TENM3: variants seen among roughly 807,000 people sequenced by gnomAD.
TENM3 encodes the protein teneurin transmembrane protein 3.
Under a neutral mutation model 255.1 loss-of-function variants are expected in TENM3, and 63 were observed. That is an observed-to-expected ratio of 0.25 (90% CI 0.20 to 0.30). The LOEUF is 0.30. Among genes scored for constraint, TENM3 ranks in the 10% least tolerant of loss-of-function variants. The pLI is 1.00. For missense variants in TENM3, 2,929 were observed against 3,461.1 expected (o/e 0.85, Z 3.86); for synonymous variants, 1,306 against 1,322.3 (o/e 0.99, Z 0.27).
the TENM3 span, among the ~76,000 whole-genome samples, chr4:181,653,804 T>C: frequency 2.0e-5 from 3 of 150,864 alleles, no homozygotes; most frequent in African/African-American, 7.3e-5. Context: ...TATTCCCCCA[T>C]AATCTAGGTT....
At chr4:182,284,053 T>C (rs560376235) in intron 1 of TENM3, among the ~76,000 whole-genome samples, 1 of 152,332 alleles carries the variant, frequency 6.6e-6, no homozygotes, top group Admixed American at 6.5e-5. Context: ...TTTTACCTTT[T>C]AAGAACTTTA....
chr4:182,373,367 G>A (rs539604756), intron 3 of TENM3, among the ~76,000 whole-genome samples: 120 of 152,242 alleles, frequency 7.9e-4, no homozygotes, highest in African/African-American at 2.7e-3. Context: ...AATTTATAAC[G>A]AAAGAGGTTT....
At chr4:182,272,572 C>T (rs1174222726) in intron 1 of TENM3, among the ~76,000 whole-genome samples, 2 of 152,138 alleles carry the variant, frequency 1.3e-5, no homozygotes, top group African/African-American at 2.4e-5. Flanking sequence ...ACTGGTTTCC[C>T]GCAGAGGCAA....
chr4:182,534,848 A>C (rs1304863614), intron 3 of TENM3, among the ~76,000 whole-genome samples: 2 of 152,362 alleles, frequency 1.3e-5, no homozygotes, highest in East Asian at 3.9e-4. Context: ...TAACTGGATT[A>C]ATTGAAAATG....
intron 3 of TENM3, among the ~76,000 whole-genome samples, chr4:182,582,790 C>T (rs1254903393): frequency 6.6e-6 from 1 of 152,114 alleles, no homozygotes; most frequent in Non-Finnish European, 1.5e-5. Context: ...TGAACTATTG[C>T]CATTCCTTCA....
chr4:181,995,887 C>T, the TENM3 span, among the ~76,000 whole-genome samples: 2 of 152,214 alleles, frequency 1.3e-5, no homozygotes, highest in South Asian at 4.1e-4. Flanking sequence ...AAAGCTGCCA[C>T]CTCTTTTCAC....
the TENM3 span, among the ~76,000 whole-genome samples, chr4:181,596,065 CTTTG>C: frequency 6.6e-6 from 1 of 152,146 alleles, no homozygotes; most frequent in South Asian, 2.1e-4. Flanking sequence ...AAGATAGGGG[CTTTG>C]TTTATCTCAA....
chr4:181,999,185 T>C, the TENM3 span, among the ~76,000 whole-genome samples: 5,009 of 152,202 alleles, frequency 0.033, 256 homozygotes, highest in African/African-American at 0.11. Context: ...AGGATATGCT[T>C]GATTTCATTT....
the TENM3 span, among the ~76,000 whole-genome samples, chr4:181,486,963 T>C: frequency 1.1e-4 from 17 of 152,282 alleles, 1 homozygote; most frequent in South Asian, 3.5e-3. Context: ...GAGTAAAAAT[T>C]TAAATGTGAC....
chr4:182,170,895 T>A (rs1901058), intron 1 of TENM3, among the ~76,000 whole-genome samples: 12,387 of 152,236 alleles, frequency 0.081, 810 homozygotes, highest in East Asian at 0.26. Flanking sequence ...TTTTTTCTTT[T>A]CAATTAAAAC....
At chr4:181,694,373 G>C in the TENM3 span, among the ~76,000 whole-genome samples, 2 of 152,136 alleles carry the variant, frequency 1.3e-5, no homozygotes, top group Non-Finnish European at 2.9e-5. Context: ...CCTTTACTAA[G>C]CACCTACTCC....
intron 3 of TENM3, among the ~76,000 whole-genome samples, chr4:182,545,353 A>C (rs1471792749): frequency 6.6e-6 from 1 of 152,066 alleles, no homozygotes; most frequent in Non-Finnish European, 1.5e-5. Flanking sequence ...ATTATATCTT[A>C]AATATTTCCA....
In TENM3 at chr4:182,283,991, C is replaced by T. The variant is rs1401004104; in HGVS notation, c.-75-39955C>T. Among the ~76,000 whole-genome samples the T allele has an allele frequency of 5.3e-5, 8 of 152,228 alleles. No individual in the cohort carries two copies. In the East Asian group the frequency reaches 7.7e-4, roughly 15 times the overall value. On this transcript the variant is annotated intron_variant, in intron 1 of 27. Transcript: ENST00000511685. ...GGGAGAGAGAGGTGCATTACCTCAA[C>T]GCTACTTTGTGGTATAATTTTTCTG...
At position 182,688,447 on chromosome 4, in the gene TENM3, G is replaced by A. The variant is rs769224056; in HGVS notation, c.2221+96G>A. ...ACTTGGAAAAAGCCTATTTCTTTAC[G>A]TTATTTTTTACTTGTCTTTCTTAAC... On this transcript the variant is annotated intron_variant, in intron 12 of 27. Coordinates refer to ENST00000511685, the MANE Select transcript of TENM3 (RefSeq NM_001080477.4). 66 of 990,438 alleles carry A rather than the reference G, an allele frequency of 6.7e-5. No homozygotes were observed. In the Middle Eastern group the frequency reaches 1.2e-3, roughly 18 times the overall value. 61.4% of individuals were successfully genotyped at this position (990,438 alleles called of 1,614,324 possible). A position where few individuals can be genotyped will look rare whatever the true frequency, so the allele number is the denominator to read the frequency against.
At chr4:182,561,011 T>G (rs558843882) in intron 3 of TENM3, among the ~76,000 whole-genome samples, 2 of 152,324 alleles carry the variant, frequency 1.3e-5, no homozygotes, top group South Asian at 4.1e-4. Context: ...GCGTGAAGAA[T>G]GCACGGTTTA....
intron 1 of TENM3, among the ~76,000 whole-genome samples, chr4:182,251,558 A>T (rs564179135): frequency 2.0e-5 from 3 of 152,330 alleles, no homozygotes; most frequent in African/African-American, 7.2e-5. Context: ...ATGCTTTTTC[A>T]TACTAGGTGG....
At position 182,161,624 on chromosome 4, in the gene TENM3, T is replaced by TATATAC. The variant is rs1185891780; in HGVS notation, c.-76+16871_-76+16872insTATACA. ...ACATATATATATATGTATATATATA[T>TATATAC]ACAAATATATATATGTATATATATA... On this transcript the variant is annotated intron_variant, in intron 1 of 2. Transcript: ENST00000512480. Among the ~76,000 whole-genome samples the TATATAC allele has an allele frequency of 5.6e-5, 5 of 90,044 alleles. No individual in the cohort carries two copies. In the East Asian group the frequency reaches 2.7e-3, roughly 49 times the overall value. The allele number at this position is 90,044 out of a possible 152,430, so 59.1% of individuals were successfully genotyped here.
chr4:181,457,181 A>C, the TENM3 span, among the ~76,000 whole-genome samples: 1 of 151,828 alleles, frequency 6.6e-6, no homozygotes, highest in Non-Finnish European at 1.5e-5. Context: ...AAAATAGTGA[A>C]AGTGGTATTT....
chr4:182,078,446 T>C, the TENM3 span, among the ~76,000 whole-genome samples: 1 of 152,060 alleles, frequency 6.6e-6, no homozygotes, highest in African/African-American at 2.4e-5. Flanking sequence ...CGCTTGAACC[T>C]GGGAGGTGGA....
Sources: gnomAD v4.1 joint callset for allele counts (sites outside exome capture counted in the v4.1 genomes callset) on GRCh38, gnomAD v4.1.1 for gene constraint, MANE v1.5 for transcripts, NCBI Gene and HGNC (gene_info 2026-07-23, HGNC 2026-07-21) for gene names.